DOCK1: variants seen among roughly 807,000 people sequenced by gnomAD.
DOCK1 encodes dedicator of cytokinesis protein 1.
A neutral mutation model predicts 262.7 loss-of-function variants in DOCK1; 138 were observed. That is an observed-to-expected ratio of 0.53 (90% CI 0.46 to 0.61). The LOEUF is 0.61. DOCK1 is among the 20% of genes least tolerant of loss of function. The probability of loss-of-function intolerance (pLI) is 0.00; values close to 1 mark genes in which losing one functional copy is unlikely to be tolerated. For missense variants in DOCK1, 1,908 were observed against 2,370.7 expected (o/e 0.80, Z 4.05); for synonymous variants, 866 against 867.4 (o/e 1.00, Z 0.03).
chr10:127,008,084 G>A (rs775744749), intron 10 of DOCK1, among the ~76,000 whole-genome samples: 1 of 152,090 alleles, frequency 6.6e-6, no homozygotes, highest in Admixed American at 6.6e-5. Context: ...CCTCCATCAC[G>A]CTTTCTACAT....
At chr10:126,921,421 G>A (rs903518128) in intron 1 of DOCK1, among the ~76,000 whole-genome samples, 6 of 152,126 alleles carry the variant, frequency 3.9e-5, no homozygotes, top group African/African-American at 9.7e-5. Flanking sequence ...AACATGCTAA[G>A]GGCAAGAAGC....
At chr10:127,296,322 A>G (rs1439763389) in intron 29 of DOCK1, among the ~76,000 whole-genome samples, 2 of 152,186 alleles carry the variant, frequency 1.3e-5, no homozygotes, top group Non-Finnish European at 2.9e-5. Context: ...AGCCAGACCC[A>G]TCCTCACGTA....
At chr10:127,320,279 C>T (rs1030743706) in intron 29 of DOCK1, among the ~76,000 whole-genome samples, 5 of 152,084 alleles carry the variant, frequency 3.3e-5, no homozygotes, top group African/African-American at 7.2e-5. Flanking sequence ...AAAGCAGAGG[C>T]AGATGTGGAG....
At chr10:127,368,487 G>A (rs993979395) in intron 33 of DOCK1, among the ~76,000 whole-genome samples, 2 of 149,968 alleles carry the variant, frequency 1.3e-5, no homozygotes, top group South Asian at 2.2e-4. Flanking sequence ...CCACCCCCTC[G>A]CCCTGTGCCC....
At chr10:127,358,346 C>T (rs543644986) in intron 32 of DOCK1, among the ~76,000 whole-genome samples, 1 of 152,106 alleles carries the variant, frequency 6.6e-6, no homozygotes, top group Non-Finnish European at 1.5e-5. Context: ...CTTTCCCTCC[C>T]AAACCTGTCA....
chr10:127,352,616 A>G (rs940233314), intron 31 of DOCK1, among the ~76,000 whole-genome samples: 1 of 152,028 alleles, frequency 6.6e-6, no homozygotes, highest in Non-Finnish European at 1.5e-5. Flanking sequence ...TTCTTGATAC[A>G]GAGTCTTTCT....
At chr10:127,061,216 A>G (rs1407032965) in intron 22 of DOCK1, among the ~76,000 whole-genome samples, 1 of 152,198 alleles carries the variant, frequency 6.6e-6, no homozygotes, top group African/African-American at 2.4e-5. Context: ...TGACAAGAGC[A>G]AGACTCCATT....
At position 127,023,178 on chromosome 10, in the gene DOCK1, T is replaced by C. The variant is rs2042568084; in HGVS notation, c.1328-22T>C. ...TATTAATAATGGATTGTTTTTTAAA[T>C]GTATGATTTCTCCCCCCTCAGGTGA... On this transcript the variant is annotated intron_variant, in intron 13 of 51. Coordinates refer to ENST00000623213, the MANE Select transcript of DOCK1 (RefSeq NM_001290223.2). The C allele has an allele frequency of 6.2e-6, 10 of 1,611,974 alleles. No homozygotes were observed. The East Asian group carries it at 2.0e-4, about 32-fold the overall frequency.
At chr10:127,321,331 T>C in intron 29 of DOCK1, among the ~76,000 whole-genome samples, 1 of 131,302 alleles carries the variant, frequency 7.6e-6, no homozygotes, top group African/African-American at 2.9e-5. Flanking sequence ...CTTTCCTTCC[T>C]CTATCCTCCC....
chr10:127,075,263 G>C (rs1045283043), intron 23 of DOCK1, among the ~76,000 whole-genome samples: 3 of 147,344 alleles, frequency 2.0e-5, no homozygotes, highest in African/African-American at 7.6e-5. Flanking sequence ...TTCTTTCATT[G>C]ATTGATTGAT....
chr10:127,181,196 G>A lies in DOCK1; in HGVS notation c.2847+53432G>A, dbSNP rs138798025. On this transcript the variant is annotated intron_variant, in intron 27 of 51. Coordinates refer to ENST00000623213, the MANE Select transcript of DOCK1 (RefSeq NM_001290223.2). The stretch of plus-strand genomic sequence containing the variant: ...TATGTATATATGCATAGGTATATAC[G>A]TGCCTGCGTATGTATTTGGCTATGT... Among the ~76,000 whole-genome samples, 22 of 152,350 alleles carry A rather than the reference G, an allele frequency of 1.4e-4. 1 individual carries two copies. The East Asian group carries it at 4.2e-3, about 29-fold the overall frequency.
At chr10:127,376,984 G>T (rs1243432337) in intron 35 of DOCK1, among the ~76,000 whole-genome samples, 2 of 152,274 alleles carry the variant, frequency 1.3e-5, no homozygotes, top group African/African-American at 4.8e-5. Flanking sequence ...CAGTGCCCAC[G>T]TACTTTTACT....
intron 27 of DOCK1, among the ~76,000 whole-genome samples, chr10:127,139,636 C>T (rs1194217515): frequency 6.6e-6 from 1 of 152,168 alleles, no homozygotes; most frequent in African/African-American, 2.4e-5. Flanking sequence ...AAATCCGGGC[C>T]TCAGTTCCGT....
At chr10:127,121,881 CAT>C (rs1564818337) in intron 25 of DOCK1, among the ~76,000 whole-genome samples, 2 of 152,200 alleles carry the variant, frequency 1.3e-5, no homozygotes, top group African/African-American at 4.8e-5. Context: ...TTTGATACCA[CAT>C]GTGCGTAATT....
At chr10:127,170,647 T>C (rs1288861119) in intron 27 of DOCK1, among the ~76,000 whole-genome samples, 1 of 152,212 alleles carries the variant, frequency 6.6e-6, no homozygotes, top group African/African-American at 2.4e-5. Context: ...CTACACCCCA[T>C]TGGTCTGAGG....
intron 10 of DOCK1, chr10:127,000,740 T>G (rs929826184): frequency 6.2e-6 from 1 of 161,490 alleles, no homozygotes; most frequent in African/African-American, 2.4e-5. Context: ...ATCCGCCATG[T>G]TGGTGCTGTT....
chr10:127,338,186 T>C (rs1441807734), intron 29 of DOCK1, among the ~76,000 whole-genome samples: 1 of 152,236 alleles, frequency 6.6e-6, no homozygotes, highest in Non-Finnish European at 1.5e-5. Flanking sequence ...TCTTACATCC[T>C]GCCTTTGTGC....
intron 27 of DOCK1, among the ~76,000 whole-genome samples, chr10:127,162,493 A>G (rs1207103289): frequency 6.6e-6 from 1 of 152,220 alleles, no homozygotes; most frequent in African/African-American, 2.4e-5. Context: ...CAGCTAATTC[A>G]GAAGTTGAGT....
At chr10:126,926,574 T>G (rs1460576485) in intron 1 of DOCK1, among the ~76,000 whole-genome samples, 1 of 152,208 alleles carries the variant, frequency 6.6e-6, no homozygotes, top group Non-Finnish European at 1.5e-5. Flanking sequence ...TAACCCTTAG[T>G]GCCTCAGAGT....
Sources: allele counts gnomAD v4.1 joint callset (sites outside exome capture counted in the v4.1 genomes callset), GRCh38; gene constraint gnomAD v4.1.1; transcripts MANE v1.5; gene names NCBI Gene and HGNC (gene_info 2026-07-23, HGNC 2026-07-21).